Variants in AP3B1 observed in about 807,000 individuals in gnomAD.
The protein encoded by AP3B1 is AP-3 complex subunit beta-1.
In AP3B1, 61 loss-of-function variants were observed where a neutral mutation model predicts 132.5. The observed-to-expected ratio is 0.46, with a 90% CI of 0.37 to 0.57. AP3B1 has a LOEUF of 0.57. Among genes scored for constraint, AP3B1 ranks in the 20% least tolerant of loss-of-function variants. The pLI is 0.00. For synonymous variants in AP3B1, 388 were observed against 438.3 expected (o/e 0.89, Z 1.43); for missense variants, 1,120 against 1,289.4 (o/e 0.87, Z 2.01).
intron 2 of AP3B1, among the ~76,000 whole-genome samples, chr5:78,262,683 C>CTTT (rs71613943): frequency 7.0e-6 from 1 of 143,772 alleles, no homozygotes. Context: ...CAATTTTGTT[C>CTTT]TTTTTTTTTT....
At position 78,015,436 on chromosome 5, in the gene AP3B1, G is replaced by T. The variant is rs752168454; in HGVS notation, c.3105C>A (p.Val1035=). Residue 1035 remains valine, a synonymous_variant, in exon 26 of 27, where the codon GTC becomes GTA. Transcript: ENST00000255194. ...KVVNVANVGA[V]PSGQDNIHRF... Reference sequence around the variant, plus strand: ...TGTGTATATTATCCTGGCCAGAAGGGACTGCACCTACATTGGCTACATTTA... The same window carrying T: ...TGTGTATATTATCCTGGCCAGAAGGTACTGCACCTACATTGGCTACATTTA... The T allele has an allele frequency of 1.9e-6, 3 of 1,613,694 alleles. No homozygotes were observed. The highest frequency in any genetic ancestry group is 2.5e-6 in the Non-Finnish European group (3 of 1,179,834).
chr5:78,065,175 T>G (rs901631717), intron 22 of AP3B1, among the ~76,000 whole-genome samples: 1 of 152,150 alleles, frequency 6.6e-6, no homozygotes, highest in Non-Finnish European at 1.5e-5. Flanking sequence ...GCCTTTTCCA[T>G]GGATCTGTGC....
chr5:78,122,430 T>C (rs12520414), intron 17 of AP3B1, among the ~76,000 whole-genome samples: 26,170 of 152,220 alleles, frequency 0.17, 2,867 homozygotes, highest in Admixed American at 0.28. Context: ...CATGACATGA[T>C]TGTTTATCTA....
chr5:78,126,077 T>A (rs558988308), intron 17 of AP3B1, among the ~76,000 whole-genome samples: 1 of 149,338 alleles, frequency 6.7e-6, no homozygotes, highest in East Asian at 2.0e-4. Context: ...AAACATCATG[T>A]ACCCCATAAT....
chr5:78,121,162 C>T (rs1407218208), intron 17 of AP3B1, among the ~76,000 whole-genome samples: 1 of 151,954 alleles, frequency 6.6e-6, no homozygotes, highest in Non-Finnish European at 1.5e-5. Context: ...AAAGACACCA[C>T]ATACCAGAAT....
chr5:78,204,541 T>C (rs752478397), intron 7 of AP3B1, among the ~76,000 whole-genome samples: 2 of 152,226 alleles, frequency 1.3e-5, no homozygotes, highest in Non-Finnish European at 2.9e-5. Context: ...AACTCCCTTA[T>C]TCCCCAAAGC....
chr5:78,157,608 T>A (rs1439883868), intron 13 of AP3B1, among the ~76,000 whole-genome samples: 2 of 152,226 alleles, frequency 1.3e-5, no homozygotes, highest in Non-Finnish European at 2.9e-5. Context: ...ATGCTAATGA[T>A]GCCAAAGAAA....
intron 1 of AP3B1, among the ~76,000 whole-genome samples, chr5:78,268,568 A>G (rs906834510): frequency 6.6e-6 from 1 of 152,138 alleles, no homozygotes; most frequent in Non-Finnish European, 1.5e-5. Context: ...GAAGTGAGCA[A>G]TGAAGAGGAA....
At chr5:78,181,886 T>C (rs1744387321) in intron 7 of AP3B1, among the ~76,000 whole-genome samples, 1 of 152,190 alleles carries the variant, frequency 6.6e-6, no homozygotes, top group Admixed American at 6.5e-5. Context: ...TGTGCTTCTA[T>C]TGTATTACAA....
chr5:78,060,584 G>A (rs1048144435), intron 22 of AP3B1, among the ~76,000 whole-genome samples: 1 of 152,032 alleles, frequency 6.6e-6, no homozygotes, highest in African/African-American at 2.4e-5. Context: ...TTATGTAAAC[G>A]TCCACTGCAG....
rs1744187713 is a variant in AP3B1 at position 78,177,322 on chromosome 5, A to C, written c.1040+17T>G. On this transcript the variant is annotated intron_variant, in intron 9 of 26. Transcript: ENST00000255194. ...AAGGAATACAAAAGAAAAAATATAT[A>C]TAAAATCATGACCTACCTATTGCTA... is the stretch of plus-strand genomic sequence containing the variant. 11 of 1,556,762 alleles carry C rather than the reference A, an allele frequency of 7.1e-6. No individual in the cohort carries two copies. Among genetic ancestry groups the C allele is most frequent in the African/African-American group, 1.4e-5 (1 of 73,678 alleles).
chr5:78,024,862 CTT>C (rs35911405), intron 24 of AP3B1, among the ~76,000 whole-genome samples: 20 of 129,998 alleles, frequency 1.5e-4, no homozygotes, highest in Non-Finnish European at 2.3e-4. Context: ...TGCGCCTGGC[CTT>C]TTTTTTTTTT....
intron 26 of AP3B1, among the ~76,000 whole-genome samples, chr5:78,004,739 T>C (rs1397208098): frequency 6.6e-6 from 1 of 152,242 alleles, no homozygotes; most frequent in Non-Finnish European, 1.5e-5. Flanking sequence ...GCTTGTGCAC[T>C]CTACAAGCAT....
intron 1 of AP3B1, among the ~76,000 whole-genome samples, chr5:78,288,881 T>C (rs1215685033): frequency 4.7e-5 from 7 of 148,768 alleles, no homozygotes; most frequent in African/African-American, 1.5e-4. Context: ...TGAGAAATAC[T>C]AGGATAAGCA....
chr5:78,011,671 A>G (rs768147820), intron 26 of AP3B1, among the ~76,000 whole-genome samples: 1 of 152,342 alleles, frequency 6.6e-6, no homozygotes, highest in Middle Eastern at 3.4e-3. Context: ...TAAGTGTTCA[A>G]TTAAAATCTG....
chr5:78,210,419 A>ATT (rs1745686664), intron 7 of AP3B1, among the ~76,000 whole-genome samples: 1 of 152,144 alleles, frequency 6.6e-6, no homozygotes, highest in Non-Finnish European at 1.5e-5. Context: ...AAACTTAAGA[A>ATT]CTTACCTTAA....
At chr5:78,191,480 G>A (rs886071494) in intron 7 of AP3B1, among the ~76,000 whole-genome samples, 1 of 151,632 alleles carries the variant, frequency 6.6e-6, no homozygotes, top group Non-Finnish European at 1.5e-5. Context: ...GCCAGGATCC[G>A]CCAAAAATTA....
chr5:78,009,520 A>G (rs2112040939), intron 26 of AP3B1, among the ~76,000 whole-genome samples: 1 of 152,112 alleles, frequency 6.6e-6, no homozygotes, highest in South Asian at 2.1e-4. Flanking sequence ...AAATAATAAG[A>G]CTTTTATTTT....
At chr5:78,106,009 A>G (rs976455577) in intron 20 of AP3B1, among the ~76,000 whole-genome samples, 2 of 152,196 alleles carry the variant, frequency 1.3e-5, no homozygotes, top group Non-Finnish European at 1.5e-5. Flanking sequence ...GCCATTCCCA[A>G]CTAGGAGAAG....
Sources: allele counts gnomAD v4.1 joint callset (sites outside exome capture counted in the v4.1 genomes callset), GRCh38; gene constraint gnomAD v4.1.1; transcripts MANE v1.5; gene names NCBI Gene and HGNC (gene_info 2026-07-23, HGNC 2026-07-21).